WDR47: variants seen among roughly 807,000 people sequenced by gnomAD.
WDR47 encodes WD repeat domain 47.
A neutral mutation model predicts 97.2 loss-of-function variants in WDR47; 32 were observed. That is an observed-to-expected ratio of 0.33 (90% CI 0.25 to 0.44). The LOEUF (loss-of-function observed/expected upper bound fraction) is 0.44. Ranked by LOEUF, WDR47 falls within the 20% of genes least tolerant of loss-of-function variation. The pLI is 1.00. For missense variants in WDR47, 782 were observed against 1,102.3 expected (o/e 0.71, Z 4.11); for synonymous variants, 375 against 373.5 (o/e 1.00, Z -0.05).
intron 1 of WDR47, among the ~76,000 whole-genome samples, chr1:109,034,687 T>C (rs1662814109): frequency 1.3e-5 from 2 of 152,200 alleles, no homozygotes; most frequent in South Asian, 2.1e-4. Context: ...CTAATGCCTG[T>C]TGATCTGAGG....
At chr1:109,005,294 C>A (rs1306420018) in intron 5 of WDR47, among the ~76,000 whole-genome samples, 3 of 151,818 alleles carry the variant, frequency 2.0e-5, no homozygotes, top group Admixed American at 2.0e-4. Context: ...CGCCTGTGGT[C>A]CCCAGCTACT....
chr1:109,021,081 G>A (rs1435042242), intron 2 of WDR47, among the ~76,000 whole-genome samples: 1 of 152,074 alleles, frequency 6.6e-6, no homozygotes, highest in Admixed American at 6.6e-5. Flanking sequence ...CATAAAAATA[G>A]AATACACTTC....
Position 108,974,630 on chromosome 1 carries a change from A to G in WDR47, c.2523T>C (p.His841=), listed in dbSNP as rs1217186484. ...GGRMVQSYHP[H]SSDVRSVRFS... is the part of the protein sequence containing the mutation. Reference sequence around the variant, plus strand: ...ATCGAACAGAGCGAACATCACTGGAATGAGGATGATAACTTTGTACCATTC... The same window carrying G: ...ATCGAACAGAGCGAACATCACTGGAGTGAGGATGATAACTTTGTACCATTC... Residue 841 remains histidine (H), a synonymous_variant, in exon 14 of 15, where the codon CAT becomes CAC. Coordinates refer to ENST00000369962, the MANE Select transcript of WDR47 (RefSeq NM_001142551.2). The G allele has an allele frequency of 6.2e-7, 1 of 1,614,158 alleles. No homozygotes were observed. The highest frequency in any genetic ancestry group is 1.1e-5 in the South Asian group (1 of 91,084).
intron 14 of WDR47, among the ~76,000 whole-genome samples, 159 bp downstream of exon 14, chr1:108,974,377 A>C (rs898421101): frequency 6.6e-6 from 1 of 152,242 alleles, no homozygotes; most frequent in African/African-American, 2.4e-5. Context: ...TTATTTAATA[A>C]TTTGCTATTA....
chr1:108,975,600 G>A (rs1045947323), intron 13 of WDR47, among the ~76,000 whole-genome samples: 10 of 150,984 alleles, frequency 6.6e-5, no homozygotes, highest in South Asian at 2.1e-4. Context: ...CAACCTGGGC[G>A]ACAGAGCGAG....
At chr1:109,007,261 A>G (rs935541287) in intron 5 of WDR47, among the ~76,000 whole-genome samples, 4 of 151,880 alleles carry the variant, frequency 2.6e-5, no homozygotes, top group Admixed American at 2.6e-4. Flanking sequence ...CAAGTATTTC[A>G]AGTAGTACTC....
intron 13 of WDR47, among the ~76,000 whole-genome samples, chr1:108,980,013 A>G (rs950994281): frequency 9.9e-5 from 15 of 152,158 alleles, no homozygotes; most frequent in Admixed American, 5.9e-4. Flanking sequence ...AGGAGCGGGA[A>G]CCCTACTGTG....
intron 1 of WDR47, among the ~76,000 whole-genome samples, chr1:109,041,009 CAA>C (rs540629928): frequency 7.8e-6 from 1 of 127,762 alleles, no homozygotes. Flanking sequence ...ACCAAGTTGC[CAA>C]AAAAAAAAAA....
intron 7 of WDR47, among the ~76,000 whole-genome samples, chr1:108,999,721 T>C (rs1451713610): frequency 6.6e-6 from 1 of 151,476 alleles, no homozygotes; most frequent in Admixed American, 6.6e-5. Context: ...TGATTGTCTA[T>C]AAAGGAAAGA....
At chr1:109,033,345 T>C (rs1240638579) in intron 1 of WDR47, among the ~76,000 whole-genome samples, 2 of 152,042 alleles carry the variant, frequency 1.3e-5, no homozygotes, top group African/African-American at 4.8e-5. Flanking sequence ...ATCTGGAGCA[T>C]ATAAATAGCA....
At chr1:108,999,921 A>G (rs534600005) in intron 7 of WDR47, among the ~76,000 whole-genome samples, 1 of 152,212 alleles carries the variant, frequency 6.6e-6, no homozygotes, top group East Asian at 1.9e-4. Context: ...ACATCCAAAA[A>G]CCAGAAATGG....
chr1:109,030,058 A>C (rs1443698152), intron 1 of WDR47: 1 of 566,996 alleles, frequency 1.8e-6, no homozygotes, highest in Admixed American at 3.3e-5. Context: ...ACCTACCCAC[A>C]GGAGAACATG....
chr1:109,020,704 G>T (rs1661769410), intron 2 of WDR47, among the ~76,000 whole-genome samples: 1 of 152,060 alleles, frequency 6.6e-6, no homozygotes, highest in Non-Finnish European at 1.5e-5. Context: ...ATGCTTCAAA[G>T]ATAGTGCTTA....
chr1:109,025,132 G>A (rs1478603916), intron 1 of WDR47: 2 of 152,072 alleles, frequency 1.3e-5, no homozygotes, highest in African/African-American at 2.4e-5. Flanking sequence ...CAGCAGATGA[G>A]TACATTTTCT....
chr1:108,971,858 T>C (rs1657480306), intron 14 of WDR47, among the ~76,000 whole-genome samples: 2 of 152,182 alleles, frequency 1.3e-5, no homozygotes, highest in Non-Finnish European at 2.9e-5. Context: ...CATCTTTTGC[T>C]AGTTTCCCTT....
At chr1:108,982,519 C>A in intron 12 of WDR47, 90 bp downstream of exon 12, 1 of 1,456,362 alleles carries the variant, frequency 6.9e-7, no homozygotes, top group East Asian at 2.3e-5. Context: ...AAGAGCAAGA[C>A]CCTGTCTCTT....
intron 8 of WDR47, among the ~76,000 whole-genome samples, chr1:108,993,974 GTGATACTGATTTAAACAAAATCACAC>G (rs1296068554): frequency 6.6e-6 from 1 of 152,146 alleles, no homozygotes; most frequent in Non-Finnish European, 1.5e-5. Flanking sequence ...TCATAGTAAT[GTGATACTGATTTAAACAAAATCACAC>G]TGATACTGAT....
intron 5 of WDR47, among the ~76,000 whole-genome samples, chr1:109,010,684 G>A (rs1029235757): frequency 2.7e-5 from 4 of 146,424 alleles, no homozygotes; most frequent in African/African-American, 1.0e-4. Context: ...CCGGGTTCAC[G>A]CCATTCTCCT....
At chr1:108,977,586 T>A (rs1176521385) in intron 13 of WDR47, among the ~76,000 whole-genome samples, 1 of 152,204 alleles carries the variant, frequency 6.6e-6, no homozygotes, top group African/African-American at 2.4e-5. Context: ...GCGCGGTGGC[T>A]CACGCCTATA....
Sources: allele counts gnomAD v4.1 joint callset (sites outside exome capture counted in the v4.1 genomes callset), GRCh38; gene constraint gnomAD v4.1.1; transcripts MANE v1.5; gene names NCBI Gene and HGNC (gene_info 2026-07-23, HGNC 2026-07-21).